GPHN: variants seen among roughly 807,000 people sequenced by gnomAD.
GPHN encodes the protein gephyrin.
In GPHN, 17 loss-of-function variants were observed where a neutral mutation model predicts 95.5. That is an observed-to-expected ratio of 0.18 (90% CI 0.12 to 0.27). The LOEUF (loss-of-function observed/expected upper bound fraction) is 0.27. Among genes scored for constraint, GPHN ranks in the 10% least tolerant of loss-of-function variants. The pLI is 1.00. For missense variants in GPHN, 660 were observed against 978.1 expected, an observed-to-expected ratio of 0.67 and a Z score of 4.34; for synonymous variants, 320 against 322.5, an observed-to-expected ratio of 0.99 and a Z score of 0.08.
chr14:66,645,935 C>T (rs1020887453), intron 1 of GPHN, among the ~76,000 whole-genome samples: 4 of 152,008 alleles, frequency 2.6e-5, no homozygotes, highest in African/African-American at 7.3e-5. Flanking sequence ...ATATAATTAT[C>T]ATTTGAAACC....
chr14:66,793,588 CAT>C (rs1006021171), intron 3 of GPHN, among the ~76,000 whole-genome samples: 1 of 151,788 alleles, frequency 6.6e-6, no homozygotes, highest in African/African-American at 2.4e-5. Context: ...TGTGCATATA[CAT>C]ATATATATCT....
chr14:66,804,323 T>C (rs1275133099), intron 3 of GPHN, among the ~76,000 whole-genome samples: 1 of 152,226 alleles, frequency 6.6e-6, no homozygotes, highest in Admixed American at 6.5e-5. Context: ...CTAACCAATA[T>C]AGCCTCAAAA....
the GPHN span, among the ~76,000 whole-genome samples, chr14:67,686,857 T>G: frequency 6.6e-6 from 1 of 152,104 alleles, no homozygotes; most frequent in African/African-American, 2.4e-5. Context: ...CCAAATGAGT[T>G]TTGGTGTAAA....
Position 67,032,743 on chromosome 14 carries a change from G to A in GPHN, c.1006+9068G>A, listed in dbSNP as rs183757920. On this transcript the variant is annotated intron_variant, in intron 10 of 22. Transcript: ENST00000478722. ...CGCTTTCAAAAAGGTTTCAGAGGCC[G>A]CCTCAGAATTTCTAGCCAGGTTGAT... Among the ~76,000 whole-genome samples, 368 of 152,160 alleles carry A rather than the reference G, an allele frequency of 2.4e-3. 4 individuals are homozygous for A. The highest frequency in any genetic ancestry group is 8.2e-3 in the African/African-American group (341 of 41,496).
the GPHN span, among the ~76,000 whole-genome samples, chr14:67,726,429 G>A: frequency 6.6e-6 from 1 of 152,218 alleles, no homozygotes; most frequent in Non-Finnish European, 1.5e-5. Flanking sequence ...TACAAGGCTT[G>A]CCAGGCAGGG....
intron 3 of GPHN, among the ~76,000 whole-genome samples, chr14:66,779,012 G>A (rs1013841452): frequency 5.3e-4 from 80 of 151,914 alleles, no homozygotes; most frequent in African/African-American, 1.9e-3. Flanking sequence ...CCAAAGTGCT[G>A]GGATTAAGGC....
At chr14:66,982,175 T>G (rs1413276515) in intron 9 of GPHN, among the ~76,000 whole-genome samples, 1 of 152,168 alleles carries the variant, frequency 6.6e-6, no homozygotes, top group Non-Finnish European at 1.5e-5. Context: ...TTTACAATTA[T>G]TTTTGGCAAG....
chr14:66,687,051 G>A (rs1315694223), intron 2 of GPHN, among the ~76,000 whole-genome samples: 3 of 152,060 alleles, frequency 2.0e-5, no homozygotes, highest in African/African-American at 4.8e-5. Flanking sequence ...GCTGGATTAC[G>A]TTTATTGATT....
At chr14:66,974,535 A>G (rs2070072558) in intron 9 of GPHN, among the ~76,000 whole-genome samples, 1 of 152,118 alleles carries the variant, frequency 6.6e-6, no homozygotes, top group African/African-American at 2.4e-5. Context: ...ATGAAATTTG[A>G]TATCTGAGAA....
chr14:67,660,885 A>G, the GPHN span, among the ~76,000 whole-genome samples: 11 of 152,350 alleles, frequency 7.2e-5, no homozygotes, highest in African/African-American at 2.6e-4. Flanking sequence ...GAGAATGGCT[A>G]CAAACAGGTA....
the GPHN span, among the ~76,000 whole-genome samples, chr14:67,377,943 T>TAA: frequency 7.1e-6 from 1 of 141,470 alleles, no homozygotes. Flanking sequence ...CTGCCATCTC[T>TAA]AAAAAAAAAA....
At chr14:67,242,417 C>G in the GPHN span, among the ~76,000 whole-genome samples, 2 of 152,044 alleles carry the variant, frequency 1.3e-5, no homozygotes, top group African/African-American at 2.4e-5. Flanking sequence ...ATTTGACTGA[C>G]GCAGTGAAAG....
chr14:67,072,059 C>G (rs2076332265), intron 11 of GPHN, among the ~76,000 whole-genome samples: 1 of 151,874 alleles, frequency 6.6e-6, no homozygotes, highest in Non-Finnish European at 1.5e-5. Context: ...TTCACATTTT[C>G]TATATACATG....
the GPHN span, among the ~76,000 whole-genome samples, chr14:67,663,448 C>A: frequency 6.6e-6 from 1 of 151,928 alleles, no homozygotes; most frequent in Non-Finnish European, 1.5e-5. Flanking sequence ...CCGAGGCGGG[C>A]GGATCATGAG....
intron 4 of GPHN, among the ~76,000 whole-genome samples, chr14:66,831,278 T>C (rs986015703): frequency 6.6e-6 from 1 of 152,164 alleles, no homozygotes; most frequent in Non-Finnish European, 1.5e-5. Context: ...ATAAAATACC[T>C]GTTATACATG....
chr14:67,068,047 G>A (rs1292713796), intron 11 of GPHN, among the ~76,000 whole-genome samples: 1 of 152,176 alleles, frequency 6.6e-6, no homozygotes, highest in African/African-American at 2.4e-5. Context: ...GGTCATGCTG[G>A]GAGCTGCAGA....
At chr14:66,729,977 T>C (rs2071619750) in intron 2 of GPHN, among the ~76,000 whole-genome samples, 2 of 152,234 alleles carry the variant, frequency 1.3e-5, no homozygotes, top group Non-Finnish European at 2.9e-5. Context: ...GGACTTTCAT[T>C]TATCAATGCC....
chr14:67,445,577 C>CTTTTTTTTTTTTTTTTTTTTT, the GPHN span, among the ~76,000 whole-genome samples: 17 of 59,936 alleles, frequency 2.8e-4, no homozygotes, highest in Middle Eastern at 0.016. Context: ...AGAGGCAATT[C>CTTTTTTTTTTTTTTTTTTTTT]TTTTTTTTTT....
the GPHN span, chr14:67,347,375 A>G: frequency 2.6e-6 from 4 of 1,538,418 alleles, no homozygotes; most frequent in South Asian, 2.3e-5. Flanking sequence ...GAAATCCCAG[A>G]GACACAAAGT....
Sources: allele counts gnomAD v4.1 joint callset (sites outside exome capture counted in the v4.1 genomes callset), GRCh38; gene constraint gnomAD v4.1.1; transcripts MANE v1.5; gene names NCBI Gene and HGNC (gene_info 2026-07-23, HGNC 2026-07-21).